TMEM132B: variants seen among roughly 807,000 people sequenced by gnomAD.
The protein encoded by TMEM132B is transmembrane protein 132B.
TMEM132B carries 18 observed loss-of-function variants against 90.8 expected under a neutral mutation model. The ratio of observed to expected loss-of-function variants is 0.20; its 90% CI spans 0.14 to 0.29. The LOEUF is 0.29. Among genes scored for constraint, TMEM132B ranks in the 10% least tolerant of loss-of-function variants. The pLI is 1.00. For missense variants in TMEM132B, 1,096 were observed against 1,326.8 expected (o/e 0.83, Z 2.70); for synonymous variants, 504 against 523.3 (o/e 0.96, Z 0.50).
chr12:125,299,206 C>T (rs1422534000), intron 1 of TMEM132B, among the ~76,000 whole-genome samples: 4 of 152,134 alleles, frequency 2.6e-5, no homozygotes, highest in Non-Finnish European at 4.4e-5. Context: ...TGAGGCTGTA[C>T]CCCCCACTGT....
chr12:125,280,053 C>T (rs1875115358), intron 1 of TMEM132B, among the ~76,000 whole-genome samples: 1 of 152,158 alleles, frequency 6.6e-6, no homozygotes, highest in South Asian at 2.1e-4. Flanking sequence ...GAGGAAGTGA[C>T]CTGTCCTTCG....
At chr12:125,427,920 C>A (rs936417934) in intron 3 of TMEM132B, among the ~76,000 whole-genome samples, 2 of 152,058 alleles carry the variant, frequency 1.3e-5, no homozygotes, top group African/African-American at 4.8e-5. Flanking sequence ...AAACCAGAGC[C>A]TTTACATCAG....
At chr12:125,222,338 G>A (rs972016474) in intron 1 of TMEM132B, among the ~76,000 whole-genome samples, 1 of 152,164 alleles carries the variant, frequency 6.6e-6, no homozygotes, top group Non-Finnish European at 1.5e-5. Flanking sequence ...TAAGACAAAA[G>A]GAAAATAAGG....
chr12:125,630,936 A>C (rs1424510281), intron 5 of TMEM132B, among the ~76,000 whole-genome samples: 1 of 152,004 alleles, frequency 6.6e-6, no homozygotes, highest in Non-Finnish European at 1.5e-5. Flanking sequence ...TTAGAAAAAA[A>C]CAACTTTTTG....
chr12:125,330,355 G>A (rs867484824), intron 1 of TMEM132B, among the ~76,000 whole-genome samples: 1 of 135,680 alleles, frequency 7.4e-6, no homozygotes, highest in Non-Finnish European at 1.5e-5. Context: ...TTTTTTTGCA[G>A]CCATGAAGAT....
chr12:125,535,520 T>C (rs1219810707), intron 4 of TMEM132B, among the ~76,000 whole-genome samples: 1 of 152,200 alleles, frequency 6.6e-6, no homozygotes, highest in Non-Finnish European at 1.5e-5. Context: ...AAAGCTTTTT[T>C]GCCAGGAACA....
In TMEM132B at chr12:125,660,862, A is replaced by C. The variant is rs1887192633; in HGVS notation, c.*6152A>C. On this transcript the variant is annotated 3_prime_UTR_variant, in exon 9 of 9. Transcript: ENST00000682704. ...TCACGGGAGTCTCTTTAGATGCTGC[A>C]GGAACTGAGAGGATAGAAGACCTCT... 6.6e-6 allele frequency: 1 copy of C among 152,240 alleles called. No individual in the cohort carries two copies. The highest frequency in any genetic ancestry group is 6.5e-5 in the Admixed American group (1 of 15,280). The allele number at this position is 152,240 out of a possible 1,614,324, so 9.4% of individuals were successfully genotyped here.
intron 3 of TMEM132B, among the ~76,000 whole-genome samples, chr12:125,478,689 A>C (rs1881956973): frequency 6.6e-6 from 1 of 152,230 alleles, no homozygotes; most frequent in Non-Finnish European, 1.5e-5. Context: ...AACACTCTTC[A>C]GGATATTATC....
chr12:125,594,351 C>T (rs369519369), intron 5 of TMEM132B, among the ~76,000 whole-genome samples: 71 of 152,266 alleles, frequency 4.7e-4, no homozygotes, highest in African/African-American at 1.6e-3. Context: ...ACTAATGCTG[C>T]GATAAACATT....
At chr12:125,249,453 A>G (rs1249994267) in intron 1 of TMEM132B, among the ~76,000 whole-genome samples, 1 of 152,136 alleles carries the variant, frequency 6.6e-6, no homozygotes, top group African/African-American at 2.4e-5. Flanking sequence ...AATTATCTAG[A>G]AAGTTGATCT....
chr12:125,295,811 C>A (rs942252843), intron 1 of TMEM132B, among the ~76,000 whole-genome samples: 1 of 152,112 alleles, frequency 6.6e-6, no homozygotes, highest in Non-Finnish European at 1.5e-5. Flanking sequence ...GGAATGGGAA[C>A]AAGAATGATG....
intron 4 of TMEM132B, among the ~76,000 whole-genome samples, chr12:125,554,015 A>G (rs977653247): frequency 6.6e-6 from 1 of 152,270 alleles, no homozygotes; most frequent in African/African-American, 2.4e-5. Flanking sequence ...CCTGTTGATT[A>G]TAAATGTACA....
chr12:125,453,104 C>T (rs1881202098), intron 3 of TMEM132B, among the ~76,000 whole-genome samples: 1 of 151,924 alleles, frequency 6.6e-6, no homozygotes, highest in Admixed American at 6.6e-5. Flanking sequence ...CACACACACA[C>T]ACACACACAC....
At chr12:125,201,664 C>T (rs1030810772) in intron 1 of TMEM132B, among the ~76,000 whole-genome samples, 2 of 152,228 alleles carry the variant, frequency 1.3e-5, no homozygotes, top group African/African-American at 4.8e-5. Context: ...GGGTGAATTA[C>T]TTAATGTCTC....
intron 4 of TMEM132B, among the ~76,000 whole-genome samples, chr12:125,576,595 A>G (rs10846922): frequency 0.16 from 24,965 of 151,568 alleles, 2,331 homozygotes; most frequent in East Asian, 0.44. Context: ...TATTAGCTGT[A>G]TGTTCTCCAT....
At chr12:125,208,788 A>C (rs1435142887) in intron 1 of TMEM132B, among the ~76,000 whole-genome samples, 1 of 152,106 alleles carries the variant, frequency 6.6e-6, no homozygotes. Context: ...CCTGTGGTAA[A>C]CAGGTTTCCT....
intron 1 of TMEM132B, among the ~76,000 whole-genome samples, chr12:125,280,428 G>A (rs754467693): frequency 6.6e-6 from 1 of 152,224 alleles, no homozygotes; most frequent in Non-Finnish European, 1.5e-5. Context: ...TTAACGGAGG[G>A]TGTATCAGTG....
chr12:125,193,447 G>A (rs1872848940), intron 1 of TMEM132B, among the ~76,000 whole-genome samples: 1 of 152,182 alleles, frequency 6.6e-6, no homozygotes, highest in South Asian at 2.1e-4. Context: ...GTGATGATGA[G>A]GAGACAAATA....
intron 5 of TMEM132B, among the ~76,000 whole-genome samples, chr12:125,620,400 A>G (rs1454159176): frequency 3.9e-5 from 6 of 152,226 alleles, no homozygotes; most frequent in Non-Finnish European, 8.8e-5. Flanking sequence ...TGCCTATGAA[A>G]GTTATAAATC....
Sources: allele counts gnomAD v4.1 joint callset (sites outside exome capture counted in the v4.1 genomes callset), GRCh38; gene constraint gnomAD v4.1.1; transcripts MANE v1.5; gene names NCBI Gene and HGNC (gene_info 2026-07-23, HGNC 2026-07-21).